The following LSAMP variants were observed in gnomAD, a reference collection of about 807,000 sequenced individuals.
LSAMP encodes the protein limbic system associated membrane protein.
In LSAMP, 7 loss-of-function variants were observed where a neutral mutation model predicts 38.6. The ratio of observed to expected loss-of-function variants is 0.18; its 90% CI spans 0.10 to 0.34. The LOEUF (loss-of-function observed/expected upper bound fraction) is 0.34, where lower values mean the gene tolerates loss of function less well. Among genes scored for constraint, LSAMP ranks in the 10% least tolerant of loss-of-function variants. LSAMP has a pLI of 1.00. For missense variants in LSAMP, 313 were observed against 420.0 expected, an observed-to-expected ratio of 0.75 and a Z score of 2.23; for synonymous variants, 154 against 166.8, an observed-to-expected ratio of 0.92 and a Z score of 0.59.
chr3:116,400,906 C>T (rs1487919603), intron 1 of LSAMP, among the ~76,000 whole-genome samples: 5 of 152,110 alleles, frequency 3.3e-5, no homozygotes, highest in Admixed American at 2.0e-4. Context: ...GGTTGTACTG[C>T]TATTGTGACC....
Position 115,815,781 on chromosome 3 carries a change from C to A in LSAMP, c.920-5367G>T, listed in dbSNP as rs559869046. Among the ~76,000 whole-genome samples the A allele has an allele frequency of 4.6e-5, 7 of 152,244 alleles. No individual in the cohort carries two copies. The South Asian group carries it at 1.5e-3, about 32-fold the overall frequency. The stretch of plus-strand genomic sequence containing the variant: ...AGGCTGAAAGGGACAATATTTTATG[C>A]CTTCTTGAAGGCCTCAAATGATCCT... On this transcript the variant is annotated intron_variant, in intron 6 of 6. Coordinates refer to ENST00000490035, the MANE Select transcript of LSAMP (RefSeq NM_002338.5).
chr3:116,107,190 T>C (rs951429733), intron 1 of LSAMP, among the ~76,000 whole-genome samples: 1 of 152,118 alleles, frequency 6.6e-6, no homozygotes. Flanking sequence ...TGGAATAATG[T>C]GGGAGGCTGG....
intron 3 of LSAMP, among the ~76,000 whole-genome samples, chr3:115,890,529 G>A (rs947180756): frequency 2.6e-5 from 4 of 151,828 alleles, no homozygotes; most frequent in Non-Finnish European, 4.4e-5. Context: ...TCTCACAGCC[G>A]GTTGAAGTTG....
chr3:115,948,992 G>A (rs1938195948), intron 3 of LSAMP, among the ~76,000 whole-genome samples: 2 of 152,096 alleles, frequency 1.3e-5, no homozygotes, highest in Non-Finnish European at 2.9e-5. Flanking sequence ...AATTAGCCAG[G>A]CATGATGGCA....
chr3:115,836,241 G>A (rs531618293), intron 6 of LSAMP, among the ~76,000 whole-genome samples: 21 of 152,104 alleles, frequency 1.4e-4, no homozygotes, highest in Admixed American at 5.9e-4. Context: ...GGCCTATCAC[G>A]CCCCATTAGT....
chr3:116,111,069 G>A (rs1284167823), intron 1 of LSAMP, among the ~76,000 whole-genome samples: 3 of 152,274 alleles, frequency 2.0e-5, no homozygotes, highest in Admixed American at 1.3e-4. Flanking sequence ...CTCAGTTAAG[G>A]TGGGGCAGGA....
chr3:116,067,304 T>C lies in LSAMP; in HGVS notation c.388+19020A>G, dbSNP rs951890126. Among the ~76,000 whole-genome samples, 21 of 152,126 alleles carry C rather than the reference T, an allele frequency of 1.4e-4. 1 individual carries two copies. Among genetic ancestry groups the C allele is most frequent in the African/African-American group, 4.8e-4 (20 of 41,432 alleles). ...TTACTGAAGTTGATGAAGAGAGAGA[T>C]GAACAAAAATGTGGCATTACTGGCT... On this transcript the variant is annotated intron_variant, in intron 2 of 6. Transcript: ENST00000490035.
chr3:115,841,853 A>G lies in LSAMP; in HGVS notation c.911T>C (p.Val304Ala). Residue 304 changes from valine (V) to alanine (A), a missense_variant, in exon 6 of 7, where the codon GTC becomes GCC. Transcript: ENST00000490035. ...NKLGVTNASLVLFRPGSVRGI... is the reference protein window; with the variant it reads ...NKLGVTNASLALFRPGSVRGI... ...TGCTTTGGCATACTTACTGAAAAGG[A>G]CTAGGCTGGCATTGGTGACCCCCAG... 6.2e-7 allele frequency: 1 copy of G among 1,611,428 alleles called. No individual in the cohort carries two copies. The highest frequency in any genetic ancestry group is 8.5e-7 in the Non-Finnish European group (1 of 1,179,094).
At chr3:116,371,615 A>G (rs2048430092) in intron 1 of LSAMP, among the ~76,000 whole-genome samples, 1 of 152,160 alleles carries the variant, frequency 6.6e-6, no homozygotes, top group South Asian at 2.1e-4. Context: ...TTTTCCTCTC[A>G]GATCAAGAAC....
chr3:116,319,764 C>A lies in LSAMP; in HGVS notation c.155+125113G>T, dbSNP rs114349547. Among the ~76,000 whole-genome samples the A allele has an allele frequency of 7.1e-3, 1,078 of 151,176 alleles. 10 individuals are homozygous for A. Among genetic ancestry groups the A allele is most frequent in the African/African-American group, 0.024 (1,005 of 41,152 alleles). Reference sequence around the variant, plus strand: ...CGCTTTTTATTAAAAATCAAAAGCACAGGCGCTTGTAATCCTCTAGACTCA... The same window carrying A: ...CGCTTTTTATTAAAAATCAAAAGCAAAGGCGCTTGTAATCCTCTAGACTCA... On this transcript the variant is annotated intron_variant, in intron 1 of 6. Coordinates refer to ENST00000490035, the MANE Select transcript of LSAMP (RefSeq NM_002338.5).
In LSAMP at chr3:116,113,577, C is replaced by T. The variant is rs908945140; in HGVS notation, c.156-27021G>A. ...AGTAGCTGGGACTACAGGCGCCCGC[C>T]ACTACGCCCGGCTAATTTTTTGTAT... is the stretch of plus-strand genomic sequence containing the variant. On this transcript the variant is annotated intron_variant, in intron 1 of 6. Transcript: ENST00000490035. Among the ~76,000 whole-genome samples the T allele has an allele frequency of 3.3e-5, 5 of 150,382 alleles. No individual in the cohort carries two copies. The South Asian group carries it at 1.1e-3, about 32-fold the overall frequency.
At chr3:115,960,514 A>G (rs762369654) in intron 3 of LSAMP, among the ~76,000 whole-genome samples, 2 of 152,218 alleles carry the variant, frequency 1.3e-5, no homozygotes, top group Non-Finnish European at 2.9e-5. Context: ...CTTTTTTCCT[A>G]AGTAAAATTC....
intron 1 of LSAMP, among the ~76,000 whole-genome samples, chr3:116,164,948 C>T (rs1175002122): frequency 6.6e-6 from 1 of 151,594 alleles, no homozygotes; most frequent in Non-Finnish European, 1.5e-5. Flanking sequence ...GAGTCTTCAT[C>T]AGGTTATCTG....
intron 2 of LSAMP, among the ~76,000 whole-genome samples, chr3:116,064,768 A>C (rs1941654144): frequency 6.6e-6 from 1 of 152,134 alleles, no homozygotes; most frequent in Non-Finnish European, 1.5e-5. Context: ...TTATTGTTGC[A>C]TTCTTTATAG....
At chr3:116,326,027 A>C (rs908784977) in intron 1 of LSAMP, among the ~76,000 whole-genome samples, 1 of 151,998 alleles carries the variant, frequency 6.6e-6, no homozygotes, top group Non-Finnish European at 1.5e-5. Context: ...GGAGTGGGGG[A>C]TTTTATTCTA....
chr3:116,402,182 G>A (rs930339440), intron 1 of LSAMP, among the ~76,000 whole-genome samples: 1 of 152,076 alleles, frequency 6.6e-6, no homozygotes, highest in Non-Finnish European at 1.5e-5. Flanking sequence ...TTTTATTTGC[G>A]ATTTCACATG....
At position 115,808,147 on chromosome 3, in the gene LSAMP, TCCCC is replaced by T. The variant is rs1185838373; in HGVS notation, c.*2166_*2169del. 44 of 52,910 alleles carry T rather than the reference TCCCC, an allele frequency of 8.3e-4. No individual in the cohort carries two copies. The highest frequency in any genetic ancestry group is 3.8e-3 in the Admixed American group (13 of 3,412). The allele number at this position is 52,910 out of a possible 1,614,324, so 3.3% of individuals were successfully genotyped here. On this transcript the variant is annotated 3_prime_UTR_variant, in exon 7 of 7. Transcript: ENST00000490035. ...CTCCCTCCCTCCCTCCCTCCCTCCC[TCCCC>T]CCCTTCCCCGTCCCCCCCTCCCTGC... is the stretch of plus-strand genomic sequence containing the variant.
At chr3:116,103,009 C>A (rs866906520) in intron 1 of LSAMP, among the ~76,000 whole-genome samples, 10 of 151,888 alleles carry the variant, frequency 6.6e-5, no homozygotes, top group East Asian at 5.8e-4. Context: ...CCCACCCCCC[C>A]AAAAAAAACT....
chr3:115,825,894 C>T (rs1934391092), intron 6 of LSAMP, among the ~76,000 whole-genome samples: 1 of 152,120 alleles, frequency 6.6e-6, no homozygotes, highest in African/African-American at 2.4e-5. Flanking sequence ...TCACCTTTAA[C>T]TCCACTGGTT....
Sources: gnomAD v4.1 joint callset for allele counts (sites outside exome capture counted in the v4.1 genomes callset) on GRCh38, gnomAD v4.1.1 for gene constraint, MANE v1.5 for transcripts, NCBI Gene and HGNC (gene_info 2026-07-23, HGNC 2026-07-21) for gene names.